The following CUX2 variants were observed in gnomAD, a reference collection of about 807,000 sequenced individuals.
CUX2 encodes cut like homeobox 2.
In CUX2, 40 loss-of-function variants were observed where a neutral mutation model predicts 144.8. That is an observed-to-expected ratio of 0.28 (90% CI 0.21 to 0.36). CUX2 has a LOEUF of 0.36. Among genes scored for constraint, CUX2 ranks in the 10% least tolerant of loss-of-function variants. The pLI is 1.00. For synonymous variants in CUX2, 827 were observed against 875.6 expected (o/e 0.94, Z 0.98); for missense variants, 1,615 against 1,994.0 (o/e 0.81, Z 3.62).
At chr12:111,324,487 T>TTTTTG (rs1450562071) in intron 18 of CUX2, among the ~76,000 whole-genome samples, 9 of 151,664 alleles carry the variant, frequency 5.9e-5, no homozygotes, top group South Asian at 4.2e-4. Context: ...CCTATTCTTT[T>TTTTTG]TTTTGTTTTG....
chr12:111,258,105 C>T (rs934386444), intron 3 of CUX2, among the ~76,000 whole-genome samples: 1 of 152,324 alleles, frequency 6.6e-6, no homozygotes, highest in South Asian at 2.1e-4. Flanking sequence ...CTCATCCTGC[C>T]CCAACAGCTT....
At position 111,324,546 on chromosome 12, in the gene CUX2, G is replaced by C. The variant is rs1466337265; in HGVS notation, c.2926+1966G>C. ...GACAGAGTCTTGCTCTGTTGCCCAG[G>C]CTGGAGTGCAATGGCATGATCTCGG... On this transcript the variant is annotated intron_variant, in intron 18 of 21. Transcript: ENST00000261726. Among the ~76,000 whole-genome samples, 3 of 151,798 alleles carry C rather than the reference G, an allele frequency of 2.0e-5. No individual in the cohort carries two copies. In the East Asian group the frequency reaches 5.9e-4, roughly 30 times the overall value.
rs373659398 is a variant in CUX2, at chr12:111,059,564, C to T, written c.63+25324C>T. Among the ~76,000 whole-genome samples, 61 of 152,190 alleles carry T rather than the reference C, an allele frequency of 4.0e-4. 1 individual carries two copies. The South Asian group carries it at 0.012, about 31-fold the overall frequency. On this transcript the variant is annotated intron_variant, in intron 1 of 21. Coordinates refer to ENST00000261726, the MANE Select transcript of CUX2 (RefSeq NM_015267.4). The surrounding 1 kb of genome is among the most constrained non-coding windows in gnomAD (Gnocchi z 5.3). ...GTGACTCTTCTGACTTTCCTAGGTCCCCCCACCCAGGGTCAGCTTTCTGTA... is the reference window on the plus strand; with the variant it reads ...GTGACTCTTCTGACTTTCCTAGGTCTCCCCACCCAGGGTCAGCTTTCTGTA...
At chr12:111,327,015 C>A (rs569981216) in intron 18 of CUX2, among the ~76,000 whole-genome samples, 8 of 152,184 alleles carry the variant, frequency 5.3e-5, no homozygotes, top group Non-Finnish European at 1.2e-4. Flanking sequence ...GTGACCATCA[C>A]CTCTGTCTAA....
chr12:111,093,030 G>C (rs954732140), intron 1 of CUX2, among the ~76,000 whole-genome samples: 1 of 152,064 alleles, frequency 6.6e-6, no homozygotes, highest in African/African-American at 2.4e-5. Flanking sequence ...TGCCCAGGCT[G>C]GTCTCGAATT....
rs1888960325 is a variant in CUX2 at position 111,349,438 on chromosome 12, A to AT, written c.*1115dup. On this transcript the variant is annotated 3_prime_UTR_variant, in exon 22 of 22. Transcript: ENST00000261726. ...CTTAGTAACCAGCGCCAAAAAGTAG[A>AT]TTCATCAAACTAGAGACCCCAGCTC... The AT allele has an allele frequency of 6.6e-6, 1 of 152,184 alleles. No individual in the cohort carries two copies. Among genetic ancestry groups the AT allele is most frequent in the Admixed American group, 6.5e-5 (1 of 15,274 alleles). The allele number at this position is 152,184 out of a possible 1,614,324, so 9.4% of individuals were successfully genotyped here. A position where few individuals can be genotyped will look rare whatever the true frequency, so the allele number is the denominator to read the frequency against.
At chr12:111,271,278 A>G (rs1450720119) in intron 4 of CUX2, among the ~76,000 whole-genome samples, 2 of 152,236 alleles carry the variant, frequency 1.3e-5, no homozygotes, top group African/African-American at 4.8e-5. Flanking sequence ...CAGAAAATAG[A>G]GAGAAACAGA....
At chr12:111,161,934 C>G (rs1877798266) in intron 1 of CUX2, among the ~76,000 whole-genome samples, 4 of 152,188 alleles carry the variant, frequency 2.6e-5, no homozygotes, top group South Asian at 4.1e-4. Flanking sequence ...CAGGGTATCC[C>G]CATGTTGCCC....
At chr12:111,106,939 G>C (rs1873645136) in intron 1 of CUX2, among the ~76,000 whole-genome samples, 1 of 152,228 alleles carries the variant, frequency 6.6e-6, no homozygotes, top group African/African-American at 2.4e-5. Flanking sequence ...TGTGTCAGCA[G>C]CTCAGTTGAT....
intron 1 of CUX2, among the ~76,000 whole-genome samples, chr12:111,085,553 C>T (rs190499601): frequency 6.6e-6 from 1 of 152,324 alleles, no homozygotes; most frequent in East Asian, 1.9e-4. Flanking sequence ...CTTTTGGTCT[C>T]TGAAATCCTC....
At chr12:111,283,852 G>C (rs1485901238) in intron 4 of CUX2, among the ~76,000 whole-genome samples, 1 of 152,204 alleles carries the variant, frequency 6.6e-6, no homozygotes, top group Non-Finnish European at 1.5e-5. Flanking sequence ...TTACAGGCGT[G>C]AGCCATGGTG....
chr12:111,180,333 T>G (rs1362871118), intron 1 of CUX2, among the ~76,000 whole-genome samples: 1 of 152,142 alleles, frequency 6.6e-6, no homozygotes, highest in African/African-American at 2.4e-5. Flanking sequence ...AGCAGATCCC[T>G]CTACAGGGAG....
intron 3 of CUX2, among the ~76,000 whole-genome samples, chr12:111,256,571 G>A (rs1220722456): frequency 6.6e-6 from 1 of 152,068 alleles, no homozygotes; most frequent in African/African-American, 2.4e-5. Context: ...TATGTTCCAC[G>A]GAACCCAGGG....
intron 3 of CUX2, among the ~76,000 whole-genome samples, chr12:111,228,307 G>A (rs1882280955): frequency 6.6e-6 from 1 of 152,164 alleles, no homozygotes; most frequent in African/African-American, 2.4e-5. Context: ...AGTATATGCA[G>A]GGGATTGGTT....
Position 111,243,158 on chromosome 12 carries a change from A to G in CUX2, c.223-20603A>G, listed in dbSNP as rs570482821. The stretch of plus-strand genomic sequence containing the variant: ...CTCTTTATTATGGAAAAAATCCAGC[A>G]TACAAAAGTAAAGAGAATAAAATAA... On this transcript the variant is annotated intron_variant, in intron 3 of 21. Coordinates refer to ENST00000261726, the MANE Select transcript of CUX2 (RefSeq NM_015267.4). Among the ~76,000 whole-genome samples the G allele has an allele frequency of 3.3e-5, 5 of 152,306 alleles. No homozygotes were observed. In the South Asian group the frequency reaches 1.0e-3, roughly 32 times the overall value.
intron 1 of CUX2, among the ~76,000 whole-genome samples, chr12:111,187,311 C>G (rs1879605347): frequency 6.6e-6 from 1 of 152,192 alleles, no homozygotes; most frequent in Non-Finnish European, 1.5e-5. Context: ...GGCCTTTGCA[C>G]CTGCTGTGCC....
At chr12:111,316,793 T>C (rs7300860) in intron 16 of CUX2, among the ~76,000 whole-genome samples, 49,337 of 151,856 alleles carry the variant, frequency 0.32, 10,817 homozygotes, top group East Asian at 0.83. Flanking sequence ...GTAGTTAGTA[T>C]AGTCAGTGTT....
intron 1 of CUX2, among the ~76,000 whole-genome samples, chr12:111,147,875 CAG>C (rs1319329359): frequency 6.6e-6 from 1 of 152,226 alleles, no homozygotes; most frequent in Non-Finnish European, 1.5e-5. Context: ...CTCCCAGACA[CAG>C]GGGCTGACTT....
intron 1 of CUX2, among the ~76,000 whole-genome samples, chr12:111,175,626 A>G (rs1476687132): frequency 2.0e-5 from 3 of 152,066 alleles, no homozygotes; most frequent in Non-Finnish European, 4.4e-5. Context: ...TTTTTTGTCT[A>G]CACTCATAAC....
Sources: gnomAD v4.1 joint callset for allele counts (sites outside exome capture counted in the v4.1 genomes callset) on GRCh38, gnomAD v4.1.1 for gene constraint, Gnocchi (gnomAD v3.1) non-coding constraint, MANE v1.5 for transcripts, NCBI Gene and HGNC (gene_info 2026-07-23, HGNC 2026-07-21) for gene names.